The following PAPLN variants were observed in gnomAD, a reference collection of about 807,000 sequenced individuals.
PAPLN encodes papilin.
In PAPLN, 146 loss-of-function variants were observed where a neutral mutation model predicts 159.0. That is an observed-to-expected ratio of 0.92 (90% CI 0.80 to 1.05). The LOEUF (loss-of-function observed/expected upper bound fraction) is 1.05. Among genes scored for constraint, PAPLN ranks in the 50% least tolerant of loss-of-function variants. The pLI is 0.00. For synonymous variants in PAPLN, 734 were observed against 702.9 expected (o/e 1.04, Z -0.70); for missense variants, 1,720 against 1,743.9 (o/e 0.99, Z 0.24).
chr14:73,262,361 C>T lies in PAPLN; in HGVS notation c.2257C>T (p.Arg753Trp), dbSNP rs148072678. 1,386 of 1,611,450 alleles carry T rather than the reference C, an allele frequency of 8.6e-4. 17 individuals are homozygous for T. In the East Asian group the frequency reaches 0.024, roughly 28 times the overall value. The change falls in exon 19 of 27, where the codon CGG becomes TGG. Residue 753 changes from arginine to tryptophan, a missense_variant. By Grantham distance (101) the Arg-to-Trp change is moderately radical. Transcript: ENST00000644200. ...CCCATGCCCTGCAGCCTACCCCGTG[C>T]GGTGCCTGCTGCCCAGTGCCCATGG... ...VGQPSHAYPV[R>W]CLLPSAHGSC...
At chr14:73,241,306 G>C (rs77707064) in intron 2 of PAPLN, among the ~76,000 whole-genome samples, 4 of 152,154 alleles carry the variant, frequency 2.6e-5, no homozygotes, top group Admixed American at 2.6e-4. Context: ...CCTTCACCAC[G>C]TGCTGGTGGC....
rs751208172 is a variant in PAPLN at position 73,246,110 on chromosome 14, A to C, written c.269A>C (p.Gln90Pro). 1 of 1,588,886 alleles carries C rather than the reference A, an allele frequency of 6.3e-7. No homozygotes were observed. Among genetic ancestry groups the C allele is most frequent in the Non-Finnish European group, 8.5e-7 (1 of 1,169,860 alleles). The change falls in exon 5 of 27, where the codon CAG becomes CCG. Residue 90 changes from glutamine to proline, a missense_variant. By Grantham distance (76) the Gln-to-Pro change is moderately conservative. Coordinates refer to ENST00000644200, the MANE Select transcript of PAPLN (RefSeq NM_001365906.3). Reference sequence around the variant, plus strand: ...GGCGCCCGGGACTTCCGGGCCGAGCAGTGCGCGGAGTTCGACGGAGCGGAG... The same window carrying C: ...GGCGCCCGGGACTTCCGGGCCGAGCCGTGCGCGGAGTTCGACGGAGCGGAG... ...PDGARDFRAE[Q>P]CAEFDGAEFQ...
chr14:73,251,350 C>T, intron 7 of PAPLN, 136 bp from the exon 8 acceptor site: 1 of 1,034,044 alleles, frequency 9.7e-7, no homozygotes, highest in Non-Finnish European at 1.4e-6. Flanking sequence ...TTGCCTTTCC[C>T]AGCAGCTCGG....
At chr14:73,236,854 GAAAGA>G (rs1883061489), upstream of PAPLN, among the ~76,000 whole-genome samples, 1 of 140,432 alleles carries the variant, frequency 7.1e-6, no homozygotes, top group African/African-American at 2.9e-5. Flanking sequence ...AAAGTAGAAA[GAAAGA>G]AAAGAAAGAG....
In PAPLN at chr14:73,261,218, G is replaced by C. The variant is rs2242616; in HGVS notation, c.2169G>C (p.Gln723His). ...AGCCCAGTGAGTGCCGGGGCTCCCA[G>C]TTTGGCTGTTGCTATGACAACGTGG... ...QNEPSECRGS[Q>H]FGCCYDNVAT... The change falls in exon 18 of 27, where the codon CAG becomes CAC. Residue 723 changes from glutamine to histidine, a missense_variant. Physicochemically the swap from Gln to His is conservative, Grantham distance 24. Coordinates refer to ENST00000644200, the MANE Select transcript of PAPLN (RefSeq NM_001365906.3). 12,035 of 1,613,992 alleles carry C rather than the reference G, an allele frequency of 7.5e-3. 319 individuals are homozygous for C. In the East Asian group the frequency reaches 0.081, roughly 11 times the overall value.
intron 3 of PAPLN, chr14:73,244,965 G>C (rs2280794): frequency 6.4e-6 from 3 of 468,392 alleles, no homozygotes. Context: ...GCTGGAGCAC[G>C]CGTGCTGCCT....
chr14:73,247,589 C>CGT (rs138946508), intron 5 of PAPLN, among the ~76,000 whole-genome samples: 2,989 of 115,132 alleles, frequency 0.026, 99 homozygotes, highest in African/African-American at 0.09. Context: ...GTCCTCTGTG[C>CGT]GTGTGTGTGT....
intron 14 of PAPLN, among the ~76,000 whole-genome samples, chr14:73,257,757 T>C (rs1886090908): frequency 3.7e-5 from 2 of 54,572 alleles, no homozygotes; most frequent in African/African-American, 3.3e-4. Context: ...TTTCTTCTTT[T>C]TTTTTTTTTT....
chr14:73,247,834 G>GT (rs1884675244), intron 5 of PAPLN, among the ~76,000 whole-genome samples: 1 of 137,654 alleles, frequency 7.3e-6, no homozygotes, highest in Non-Finnish European at 1.6e-5. Context: ...GTGTGTGTGT[G>GT]TGTGTGGTGG....
At chr14:73,271,969 G>C (rs912636070) in intron 26 of PAPLN, among the ~76,000 whole-genome samples, 2 of 152,228 alleles carry the variant, frequency 1.3e-5, no homozygotes, top group African/African-American at 4.8e-5. Flanking sequence ...TGGGGAAAGT[G>C]AAAAACTGGA....
intron 7 of PAPLN, 44 bp from the exon 8 acceptor site, chr14:73,251,442 G>C (rs565225430): frequency 6.4e-7 from 1 of 1,568,842 alleles, no homozygotes; most frequent in East Asian, 2.2e-5. Context: ...GGTGCCGGGA[G>C]AGGGATAGCC....
rs563152502 is a variant in PAPLN at position 73,262,662 on chromosome 14, C to T, written c.2558C>T (p.Pro853Leu). ...GCCGCGGTGCAGAGAAAGCCCTGGC[C>T]TTCTGGTGGTCTCTGGCGGCAAGAC... Reference protein sequence around the residue: ...TGAAVQRKPWPSGGLWRQDQQ... With the variant: ...TGAAVQRKPWLSGGLWRQDQQ... Residue 853 changes from proline to leucine, a missense_variant, in exon 19 of 27, where the codon CCT becomes CTT. Coordinates refer to ENST00000644200, the MANE Select transcript of PAPLN (RefSeq NM_001365906.3). 50 of 1,502,826 alleles carry T rather than the reference C, an allele frequency of 3.3e-5. 2 individuals carry two copies. In the South Asian group the frequency reaches 4.9e-4, roughly 15 times the overall value. The allele number at this position is 1,502,826 out of a possible 1,614,324, so 93.1% of individuals were successfully genotyped here. A position where few individuals can be genotyped will look rare whatever the true frequency, so the allele number is the denominator to read the frequency against.
At chr14:73,258,936 T>G in intron 14 of PAPLN, 43 bp from the exon 15 acceptor site, 1 of 1,554,450 alleles carries the variant, frequency 6.4e-7, no homozygotes, top group Non-Finnish European at 8.7e-7. Flanking sequence ...CCATCCTCTC[T>G]TCCTCCCTCT....
Position 73,245,666 on chromosome 14 carries a change from C to T in PAPLN, c.201C>T (p.Pro67=). The T allele has an allele frequency of 4.5e-6, 7 of 1,557,384 alleles. No individual in the cohort carries two copies. Among genetic ancestry groups the T allele is most frequent in the Non-Finnish European group, 5.2e-6 (6 of 1,153,358 alleles). ...ATGGAGGCTCCAGCTGCGTGGGCCC[C>T]GCCCGGAGCCACCGCTCTTGTCGCA... ...RRDGGSSCVG[P]ARSHRSCRTE... Residue 67 remains proline (P), a synonymous_variant, in exon 4 of 27, where the codon CCC becomes CCT. Transcript: ENST00000644200. The surrounding 1 kb of genome is among the most constrained non-coding windows in gnomAD (Gnocchi z 4.2).
rs756564910 is a variant in PAPLN, at chr14:73,260,857, CA to C, written c.2106+29del. 2.7e-6 allele frequency: 4 copies of C among 1,494,298 alleles called. No homozygotes were observed. The African/African-American group carries it at 4.2e-5, about 16-fold the overall frequency. 92.6% of individuals were successfully genotyped at this position (1,494,298 alleles called of 1,614,324 possible). The stretch of plus-strand genomic sequence containing the variant: ...AAGTGTCTGGCCTGGGGGAGGGGAG[CA>C]GGGGGCCAGCCCGTGAGCCTGCTCA... On this transcript the variant is annotated intron_variant, in intron 17 of 26. Coordinates refer to ENST00000644200, the MANE Select transcript of PAPLN (RefSeq NM_001365906.3).
chr14:73,252,895 G>C, intron 11 of PAPLN, 120 bp downstream of exon 11: 7 of 1,467,054 alleles, frequency 4.8e-6, no homozygotes, highest in Non-Finnish European at 6.4e-6. Context: ...GGCCCCCCAC[G>C]CTGTGGCTGG....
chr14:73,254,506 C>T lies in PAPLN; in HGVS notation c.1303-7C>T. 1 of 1,613,542 alleles carries T rather than the reference C, an allele frequency of 6.2e-7. No homozygotes were observed. The highest frequency in any genetic ancestry group is 1.1e-5 in the South Asian group (1 of 91,046). On this transcript the variant is annotated splice_region_variant and splice_polypyrimidine_tract_variant and intron_variant, in intron 12 of 26. Transcript: ENST00000644200. ...CCGAGCTTCTGCTGACAGCCTTGTC[C>T]TTGCAGTGTTCTGTCAGTTGTGGCG... is the stretch of plus-strand genomic sequence containing the variant.
At chr14:73,269,394 GC>G (rs34862937) in intron 26 of PAPLN, among the ~76,000 whole-genome samples, 28,897 of 151,790 alleles carry the variant, frequency 0.19, 2,855 homozygotes, top group African/African-American at 0.23. Flanking sequence ...ACCTCCTCTA[GC>G]TACTACTCTA....
In PAPLN at chr14:73,263,651, C is replaced by A. The variant is rs747318234; in HGVS notation, c.2730C>A (p.Ser910Arg). The change falls in exon 20 of 27, where the codon AGC becomes AGA. Residue 910 changes from serine to arginine, a missense_variant. Physicochemically the swap from Ser to Arg is moderately radical, Grantham distance 110. Coordinates refer to ENST00000644200, the MANE Select transcript of PAPLN (RefSeq NM_001365906.3). Reference protein sequence around the residue: ...PPFHSSSYRISLAGVEPSLVQ... With the variant: ...PPFHSSSYRIRLAGVEPSLVQ... ...TCACTTCCCACCTCTCCAGGATTAG[C>A]TTGGCAGGTGTGGAGCCCTCGTTGG... The A allele has an allele frequency of 1.9e-6, 3 of 1,613,686 alleles. No individual in the cohort carries two copies. In the African/African-American group the frequency reaches 4.0e-5, roughly 22 times the overall value.
Sources: allele counts gnomAD v4.1 joint callset (sites outside exome capture counted in the v4.1 genomes callset), GRCh38; gene constraint gnomAD v4.1.1; non-coding constraint Gnocchi (gnomAD v3.1); transcripts MANE v1.5; gene names NCBI Gene and HGNC (gene_info 2026-07-23, HGNC 2026-07-21).